The following GSDME variants were observed in gnomAD, a reference collection of about 807,000 sequenced individuals.
The protein encoded by GSDME is gasdermin-E.
GSDME carries 44 observed loss-of-function variants against 47.5 expected under a neutral mutation model. The observed-to-expected ratio is 0.93, with a 90% CI of 0.73 to 1.19. The LOEUF (loss-of-function observed/expected upper bound fraction) is 1.19. GSDME is among the 50% of genes most tolerant of loss of function. GSDME has a pLI of 0.00. For missense variants in GSDME, 663 were observed against 604.2 expected (o/e 1.10, Z -1.02); for synonymous variants, 258 against 252.8 (o/e 1.02, Z -0.20).
At position 24,706,351 on chromosome 7, in the gene GSDME, G is replaced by T. The variant is rs755785416; in HGVS notation, c.1016C>A (p.Ser339Ter). The T allele has an allele frequency of 6.2e-7, 1 of 1,613,064 alleles. No homozygotes were observed. Among genetic ancestry groups the T allele is most frequent in the Non-Finnish European group, 8.5e-7 (1 of 1,179,874 alleles). ...CTCCCCCAGCACCGCCACTGTGGGC[G>T]AGAGGCCGCTGACCAGGTCATCGCA... ...PVCDDLVSGL[S>*]PTVAVLGELK... The change falls in exon 8 of 10, where the codon TCG (serine) becomes TAG (stop). Residue 339 changes from serine (S) to a stop codon, truncating the protein, a stop_gained. Transcript: ENST00000645220. LOFTEE classifies it high-confidence loss of function.
rs1041123533 is a variant in GSDME, at chr7:24,756,347, C to G, written c.-20+1049G>C. Among the ~76,000 whole-genome samples the G allele has an allele frequency of 2.6e-5, 4 of 152,130 alleles. No individual in the cohort carries two copies. Among genetic ancestry groups the G allele is most frequent in the Admixed American group, 6.5e-5 (1 of 15,280 alleles). On this transcript the variant is annotated intron_variant, in intron 1 of 9. Coordinates refer to ENST00000645220, the MANE Select transcript of GSDME (RefSeq NM_001127453.2). The surrounding 1 kb of genome is among the most constrained non-coding windows in gnomAD (Gnocchi z 4.2). The stretch of plus-strand genomic sequence containing the variant: ...CTGCACTCCAGCCTTGGTGACAGAG[C>G]GAGACCCTCTCTCAACAATAACAAA...
At chr7:24,763,658 G>C in the GSDME span, among the ~76,000 whole-genome samples, 10 of 152,198 alleles carry the variant, frequency 6.6e-5, no homozygotes, top group African/African-American at 2.4e-4. The surrounding 1 kb of genome is among the most constrained non-coding windows in gnomAD (Gnocchi z 4.3). Flanking sequence ...CTGATAGTGG[G>C]TAACTGAAAC....
At chr7:24,752,659 C>A (rs534130361) in intron 1 of GSDME, among the ~76,000 whole-genome samples, 16 of 152,154 alleles carry the variant, frequency 1.1e-4, no homozygotes, top group Non-Finnish European at 2.1e-4. Flanking sequence ...ATTTACTTTG[C>A]CAAACATGGG....
Position 24,698,870 on chromosome 7 carries a change from G to A in GSDME, c.*156C>T. ...AAAACTGTTTAAAGAGTACCTGGTG[G>A]CTAAAAGTCAGGTCATTCATCATGC... On this transcript the variant is annotated 3_prime_UTR_variant, in exon 10 of 10. Coordinates refer to ENST00000645220, the MANE Select transcript of GSDME (RefSeq NM_001127453.2). 2.9e-6 allele frequency: 2 copies of A among 688,666 alleles called. No individual in the cohort carries two copies. Among genetic ancestry groups the A allele is most frequent in the East Asian group, 2.7e-5 (1 of 36,930 alleles). The allele number at this position is 688,666 out of a possible 1,614,324, so 42.7% of individuals were successfully genotyped here.
the GSDME span, among the ~76,000 whole-genome samples, chr7:24,763,139 T>A: frequency 6.6e-6 from 1 of 152,192 alleles, no homozygotes; most frequent in Non-Finnish European, 1.5e-5. This position sits in a 1 kb window ranked among gnomAD's most constrained non-coding sequence, Gnocchi z 4.3. Context: ...AATGCCTTTT[T>A]CATCTTAAGC....
intron 2 of GSDME, among the ~76,000 whole-genome samples, chr7:24,747,724 G>A (rs1329231340): frequency 6.6e-6 from 1 of 152,138 alleles, no homozygotes; most frequent in South Asian, 2.1e-4. Flanking sequence ...CTGGAATGCA[G>A]TGGCACAATC....
At chr7:24,747,014 A>G (rs1181777044) in intron 2 of GSDME, among the ~76,000 whole-genome samples, 1 of 152,218 alleles carries the variant, frequency 6.6e-6, no homozygotes, top group Admixed American at 6.5e-5. Context: ...CCAGATGAGC[A>G]TGCTCGGGGA....
Position 24,728,585 on chromosome 7 carries a change from A to C in GSDME, c.405-9367T>G, listed in dbSNP as rs1369328979. On this transcript the variant is annotated intron_variant, in intron 3 of 9. Coordinates refer to ENST00000645220, the MANE Select transcript of GSDME (RefSeq NM_001127453.2). The surrounding 1 kb of genome is among the most constrained non-coding windows in gnomAD (Gnocchi z 7.2). ...CCTCCTGAACCTTCCTGGGCCCTGC[A>C]TACAGAAGGCGCTTAATGCATGCTT... Among the ~76,000 whole-genome samples, 3 of 152,168 alleles carry C rather than the reference A, an allele frequency of 2.0e-5. No homozygotes were observed. The highest frequency in any genetic ancestry group is 4.4e-5 in the Non-Finnish European group (3 of 68,022).
chr7:24,713,534 C>T (rs962372557), intron 5 of GSDME, among the ~76,000 whole-genome samples: 10 of 152,232 alleles, frequency 6.6e-5, no homozygotes, highest in Admixed American at 1.3e-4. Context: ...GCAGAGAGCA[C>T]GCCCAGAGAG....
In GSDME at chr7:24,714,393, G is replaced by A. The variant is rs542124090; in HGVS notation, c.697+2861C>T. Among the ~76,000 whole-genome samples the A allele has an allele frequency of 6.6e-6, 1 of 152,220 alleles. No individual in the cohort carries two copies. Among genetic ancestry groups the A allele is most frequent in the African/African-American group, 2.4e-5 (1 of 41,530 alleles). ...GGTTTATGTCTATGAAGCTATACCA[G>A]AACATTCTGTAGCAAGAGCAACAGA... On this transcript the variant is annotated intron_variant, in intron 5 of 9. Coordinates refer to ENST00000645220, the MANE Select transcript of GSDME (RefSeq NM_001127453.2). The surrounding 1 kb of genome is among the most constrained non-coding windows in gnomAD (Gnocchi z 5.0).
chr7:24,772,006 G>C, the GSDME span, among the ~76,000 whole-genome samples: 1 of 152,304 alleles, frequency 6.6e-6, no homozygotes, highest in Non-Finnish European at 1.5e-5. The surrounding 1 kb of genome is among the most constrained non-coding windows in gnomAD (Gnocchi z 4.5). Flanking sequence ...ACAGCCCCTT[G>C]TTCATGAGGG....
In GSDME at chr7:24,732,286, T is replaced by C. The variant is rs191570220; in HGVS notation, c.404+12276A>G. On this transcript the variant is annotated intron_variant, in intron 3 of 9. Coordinates refer to ENST00000645220, the MANE Select transcript of GSDME (RefSeq NM_001127453.2). The surrounding 1 kb of genome is among the most constrained non-coding windows in gnomAD (Gnocchi z 4.8). ...TGATCAGGTAGGAAGGAAGCCCAGTTCAAACTTTGTTTTTTCCAAGAAAGA... is the reference window on the plus strand; with the variant it reads ...TGATCAGGTAGGAAGGAAGCCCAGTCCAAACTTTGTTTTTTCCAAGAAAGA... 4.3e-3 allele frequency among the ~76,000 whole-genome samples: 651 copies of C among 152,326 alleles called. 1 individual carries two copies. Among genetic ancestry groups the C allele is most frequent in the Admixed American group, 9.5e-3 (146 of 15,308 alleles).
At chr7:24,784,468 C>T in the GSDME span, among the ~76,000 whole-genome samples, 20 of 152,030 alleles carry the variant, frequency 1.3e-4, no homozygotes, top group Non-Finnish European at 2.2e-4. Flanking sequence ...TGAGATCCCC[C>T]GGCAAACCAC....
chr7:24,723,327 G>A (rs1402081510), intron 3 of GSDME, among the ~76,000 whole-genome samples: 1 of 152,048 alleles, frequency 6.6e-6, no homozygotes, highest in Admixed American at 6.5e-5. Flanking sequence ...CCCAGGGGGA[G>A]AGCTGGTGTC....
At chr7:24,767,672 A>T in the GSDME span, among the ~76,000 whole-genome samples, 8 of 152,022 alleles carry the variant, frequency 5.3e-5, no homozygotes, top group African/African-American at 1.9e-4. The surrounding 1 kb of genome is among the most constrained non-coding windows in gnomAD (Gnocchi z 5.3). Context: ...AACTTGTTAC[A>T]AACCAGTCAT....
Position 24,717,335 on chromosome 7 carries a change from T to TG in GSDME, c.615dup (p.Asn206GlnfsTer18). 6.2e-7 allele frequency: 1 copy of TG among 1,614,108 alleles called. No individual in the cohort carries two copies. Among genetic ancestry groups the TG allele is most frequent in the Non-Finnish European group, 8.5e-7 (1 of 1,180,024 alleles). ...GCAGCTGGGATCTCCAGCACCACGT[T>TG]GGAGTCCTTGGTGACATTCCCATCC... On this transcript the variant is annotated frameshift_variant, in exon 5 of 10. Transcript: ENST00000645220. LOFTEE classifies it high-confidence loss of function.
At chr7:24,789,655 G>A in the GSDME span, among the ~76,000 whole-genome samples, 1 of 152,212 alleles carries the variant, frequency 6.6e-6, no homozygotes, top group Non-Finnish European at 1.5e-5. Flanking sequence ...ATCTGCCTGT[G>A]GATTTCATTT....
At chr7:24,709,082 C>T (rs1297265302) in intron 6 of GSDME, among the ~76,000 whole-genome samples, 1 of 152,188 alleles carries the variant, frequency 6.6e-6, no homozygotes, top group Admixed American at 6.5e-5. Flanking sequence ...AAGCCCCACG[C>T]AGAGGAACAC....
the GSDME span, among the ~76,000 whole-genome samples, chr7:24,765,285 G>A: frequency 2.6e-5 from 4 of 152,256 alleles, no homozygotes; most frequent in Non-Finnish European, 4.4e-5. Flanking sequence ...CTTTCTTGTC[G>A]AAAATGGACA....
Sources: allele counts gnomAD v4.1 joint callset (sites outside exome capture counted in the v4.1 genomes callset), GRCh38; gene constraint gnomAD v4.1.1; non-coding constraint Gnocchi (gnomAD v3.1); transcripts MANE v1.5; gene names NCBI Gene and HGNC (gene_info 2026-07-23, HGNC 2026-07-21).